FAM107A: variants seen among roughly 807,000 people sequenced by gnomAD.
FAM107A encodes the protein family with sequence similarity 107 member A, also known as actin-associated protein FAM107A.
FAM107A carries 19 observed loss-of-function variants against 13.7 expected under a neutral mutation model. The observed-to-expected ratio is 1.38, with a 90% CI of 0.97 to 2.03. FAM107A has a LOEUF of 2.03. Among genes scored for constraint, FAM107A ranks in the 30% most tolerant of loss-of-function variants. The pLI, the probability that FAM107A is intolerant of heterozygous loss-of-function variation, is 0.00. For missense variants in FAM107A, 203 were observed against 184.4 expected (o/e 1.10, Z -0.58); for synonymous variants, 82 against 74.5 (o/e 1.10, Z -0.52).
At chr3:58,591,785 G>A (rs2065656613), upstream of FAM107A, among the ~76,000 whole-genome samples, 4 of 152,134 alleles carry the variant, frequency 2.6e-5, no homozygotes, top group South Asian at 6.2e-4. The surrounding 1 kb of genome is among the most constrained non-coding windows in gnomAD (Gnocchi z 4.3). Flanking sequence ...TACTGTACTC[G>A]CCTTGAAGAG....
intron 1 of FAM107A, among the ~76,000 whole-genome samples, chr3:58,625,694 G>A (rs1306511081): frequency 6.6e-6 from 1 of 152,234 alleles, no homozygotes. Flanking sequence ...CTTCCTCAAA[G>A]TGTCAGTTTC....
At chr3:58,621,421 G>T (rs990640031) in intron 1 of FAM107A, among the ~76,000 whole-genome samples, 1 of 152,124 alleles carries the variant, frequency 6.6e-6, no homozygotes, top group African/African-American at 2.4e-5. Flanking sequence ...GATTCTTAAT[G>T]ATTTTTGAAC....
At chr3:58,606,095 CT>C (rs1163892094) in intron 1 of FAM107A, among the ~76,000 whole-genome samples, 1 of 152,040 alleles carries the variant, frequency 6.6e-6, no homozygotes, top group African/African-American at 2.4e-5. Context: ...GCTGTTATCT[CT>C]TTTTTGTTTG....
intron 2 of FAM107A, among the ~76,000 whole-genome samples, chr3:58,568,374 G>T (rs942910210): frequency 6.6e-6 from 1 of 151,896 alleles, no homozygotes; most frequent in Non-Finnish European, 1.5e-5. Flanking sequence ...GGTGGAGCTT[G>T]CAGTGAGCTG....
chr3:58,591,050 T>C (rs980740128), upstream of FAM107A, among the ~76,000 whole-genome samples: 5 of 152,200 alleles, frequency 3.3e-5, no homozygotes, highest in African/African-American at 1.2e-4. The surrounding 1 kb of genome is among the most constrained non-coding windows in gnomAD (Gnocchi z 4.3). Context: ...TTCCTTCCAC[T>C]GTGCAAGGGC....
chr3:58,623,567 C>A (rs2065979312), intron 1 of FAM107A, among the ~76,000 whole-genome samples: 1 of 152,210 alleles, frequency 6.6e-6, no homozygotes, highest in Non-Finnish European at 1.5e-5. Context: ...GCTGAGGAAA[C>A]TGAGGCTCAG....
At chr3:58,590,223 A>G (rs1355913724), upstream of FAM107A, among the ~76,000 whole-genome samples, 6 of 152,152 alleles carry the variant, frequency 3.9e-5, no homozygotes, top group Non-Finnish European at 8.8e-5. Flanking sequence ...AGCCTCCAAC[A>G]TGTGCCTCCC....
chr3:58,615,862 C>G (rs2065896254), intron 1 of FAM107A, among the ~76,000 whole-genome samples: 2 of 144,462 alleles, frequency 1.4e-5, no homozygotes, highest in Non-Finnish European at 3.0e-5. Flanking sequence ...TGCCACTGCA[C>G]CACTCCAGCC....
intron 1 of FAM107A, among the ~76,000 whole-genome samples, chr3:58,585,306 G>C (rs1372345053): frequency 6.6e-6 from 1 of 152,236 alleles, no homozygotes; most frequent in African/African-American, 2.4e-5. Flanking sequence ...AATCGCCGGA[G>C]CTGGGATTGG....
In FAM107A at chr3:58,573,873, A is replaced by G. The variant is rs918811937; in HGVS notation, c.-6+3436T>C. 3.9e-5 allele frequency among the ~76,000 whole-genome samples: 6 copies of G among 152,344 alleles called. No homozygotes were observed. In the South Asian group the frequency reaches 1.0e-3, roughly 26 times the overall value. Reference sequence around the variant, plus strand: ...TGTCTATGGCTGTTTCCCACTGAACAGCAGAGTTGAGATGGGACAGCTGCT... The same window carrying G: ...TGTCTATGGCTGTTTCCCACTGAACGGCAGAGTTGAGATGGGACAGCTGCT... On this transcript the variant is annotated intron_variant, in intron 1 of 3. Coordinates refer to ENST00000360997, the MANE Select transcript of FAM107A (RefSeq NM_001076778.3).
At chr3:58,619,081 G>A (rs1415351016) in intron 1 of FAM107A, among the ~76,000 whole-genome samples, 1 of 152,148 alleles carries the variant, frequency 6.6e-6, no homozygotes. Context: ...GCTCACTGCA[G>A]CCTTGACCTC....
intron 1 of FAM107A, among the ~76,000 whole-genome samples, chr3:58,622,453 C>T (rs1035282378): frequency 7.2e-5 from 11 of 152,102 alleles, no homozygotes; most frequent in South Asian, 2.1e-4. Flanking sequence ...CCCTATGCCC[C>T]CCCCAAAAGA....
In FAM107A at chr3:58,613,815, G is replaced by C. The variant is rs2065876803; in HGVS notation, c.-70+13601C>G. Among the ~76,000 whole-genome samples, 2 of 152,188 alleles carry C rather than the reference G, an allele frequency of 1.3e-5. No homozygotes were observed. The highest frequency in any genetic ancestry group is 4.8e-5 in the African/African-American group (2 of 41,438). On this transcript the variant is annotated intron_variant, in intron 1 of 3. Transcript: ENST00000465970. This position sits in a 1 kb window ranked among gnomAD's most constrained non-coding sequence, Gnocchi z 4.6. Reference sequence around the variant, plus strand: ...GCCCTGGGATGGTGGAGACTGATGGGCAGGAGGCAGAAGGCGGAAGTCCAG... The same window carrying C: ...GCCCTGGGATGGTGGAGACTGATGGCCAGGAGGCAGAAGGCGGAAGTCCAG...
In FAM107A at chr3:58,569,777, G is replaced by C. The variant is rs1199771731; in HGVS notation, c.84C>G (p.Leu28=). Residue 28 remains leucine, a synonymous_variant, in exon 2 of 4, where the codon CTC becomes CTG. Transcript: ENST00000360997. This position sits in a 1 kb window ranked among gnomAD's most constrained non-coding sequence, Gnocchi z 5.7. The part of the protein sequence containing the change: ...RPEYREWNPE[L]IKPKKLLNPV... Reference sequence around the variant, plus strand: ...GGTTCAGCAGCTTCTTGGGCTTGATGAGCTCCGGATTCCACTCTCTGTATT... The same window carrying C: ...GGTTCAGCAGCTTCTTGGGCTTGATCAGCTCCGGATTCCACTCTCTGTATT... 13 of 1,613,994 alleles carry C rather than the reference G, an allele frequency of 8.1e-6. No individual in the cohort carries two copies. The highest frequency in any genetic ancestry group is 1.7e-5 in the Admixed American group (1 of 59,994).
intron 3 of FAM107A, 92 bp downstream of exon 3, chr3:58,567,116 C>T (rs749323587): frequency 6.8e-7 from 1 of 1,466,172 alleles, no homozygotes; most frequent in Non-Finnish European, 9.5e-7. Flanking sequence ...TGCTGATCCT[C>T]TTCCCTCTTA....
At chr3:58,616,800 G>A (rs1301366909) in intron 1 of FAM107A, among the ~76,000 whole-genome samples, 3 of 151,892 alleles carry the variant, frequency 2.0e-5, no homozygotes, top group Non-Finnish European at 4.4e-5. Flanking sequence ...TTTAGACAGA[G>A]TCTTGCTCTG....
intron 1 of FAM107A, among the ~76,000 whole-genome samples, chr3:58,605,429 C>A (rs932621470): frequency 6.6e-6 from 1 of 152,154 alleles, no homozygotes; most frequent in African/African-American, 2.4e-5. Flanking sequence ...ATTCCTTTTG[C>A]TTTAGTTGCT....
chr3:58,623,785 A>G (rs955802613), intron 1 of FAM107A, among the ~76,000 whole-genome samples: 1 of 152,222 alleles, frequency 6.6e-6, no homozygotes, highest in Non-Finnish European at 1.5e-5. Context: ...TTTCTGGGTG[A>G]TAAAACTCTC....
intron 1 of FAM107A, among the ~76,000 whole-genome samples, chr3:58,601,201 TCA>T (rs1202964227): frequency 6.6e-6 from 1 of 152,226 alleles, no homozygotes; most frequent in Non-Finnish European, 1.5e-5. Context: ...AAATTATTAT[TCA>T]CAGTTATTAA....
Sources: allele counts gnomAD v4.1 joint callset (sites outside exome capture counted in the v4.1 genomes callset), GRCh38; gene constraint gnomAD v4.1.1; non-coding constraint Gnocchi (gnomAD v3.1); transcripts MANE v1.5; gene names NCBI Gene and HGNC (gene_info 2026-07-23, HGNC 2026-07-21).